Variants in ATP9B observed in about 807,000 individuals in gnomAD.
ATP9B encodes ATPase phospholipid transporting 9B.
In ATP9B, 110 loss-of-function variants were observed where a neutral mutation model predicts 146.1. That is an observed-to-expected ratio of 0.75 (90% confidence interval 0.65 to 0.88). ATP9B has a LOEUF of 0.88. ATP9B is among the 40% of genes least tolerant of loss of function. The pLI, the probability that ATP9B is intolerant of heterozygous loss-of-function variation, is 0.00. For missense variants in ATP9B, 1,499 were observed against 1,496.4 expected (o/e 1.00, Z -0.03); for synonymous variants, 604 against 569.7 (o/e 1.06, Z -0.86).
chr18:79,328,007 G>T (rs112362402), intron 15 of ATP9B, among the ~76,000 whole-genome samples: 1 of 146,366 alleles, frequency 6.8e-6, no homozygotes, highest in Admixed American at 6.8e-5. Context: ...TCCGTGGTTA[G>T]CGTGCTCTCC....
Position 79,336,651 on chromosome 18 carries a change from A to G in ATP9B, c.2052A>G (p.Gly684=). 6.2e-7 allele frequency: 1 copy of G among 1,611,124 alleles called. No individual in the cohort carries two copies. The highest frequency in any genetic ancestry group is 8.5e-7 in the Non-Finnish European group (1 of 1,178,798). ...EEECGNMARE[G]LRTLVVAKKA... ...AGTGCGGAAACATGGCTCGCGAAGGACTGCGGACCCTCGTGGTTGCAAAGA... is the reference window on the plus strand; with the variant it reads ...AGTGCGGAAACATGGCTCGCGAAGGGCTGCGGACCCTCGTGGTTGCAAAGA... Residue 684 remains glycine (G), a synonymous_variant, in exon 18 of 30, where the codon GGA becomes GGG. Transcript: ENST00000426216.
At chr18:79,332,386 G>A (rs1326296639) in intron 17 of ATP9B, among the ~76,000 whole-genome samples, 6 of 152,196 alleles carry the variant, frequency 3.9e-5, no homozygotes, top group Admixed American at 2.0e-4. Context: ...CCAAGATCGC[G>A]ACACTGCACT....
intron 13 of ATP9B, among the ~76,000 whole-genome samples, chr18:79,301,829 TTATTA>T (rs1400234985): frequency 6.6e-6 from 1 of 152,180 alleles, no homozygotes; most frequent in African/African-American, 2.4e-5. Context: ...TTTTAAAACT[TTATTA>T]TATTCACTCT....
rs536522865 is a variant in ATP9B at position 79,273,045 on chromosome 18, C to T, written c.1269-4009C>T. 8.5e-4 allele frequency among the ~76,000 whole-genome samples: 129 copies of T among 152,192 alleles called. 1 individual carries two copies. Among genetic ancestry groups the T allele is most frequent in the Non-Finnish European group, 1.5e-3 (99 of 68,036 alleles). ...AAGGGAAATGGATTACTCTTGGTGT[C>T]TGGCTGCAGTGGCAGGTGGCCGTGC... On this transcript the variant is annotated intron_variant, in intron 12 of 29. Transcript: ENST00000426216.
intron 12 of ATP9B, among the ~76,000 whole-genome samples, chr18:79,266,381 C>A (rs1357926700): frequency 1.3e-5 from 2 of 151,652 alleles, no homozygotes; most frequent in Non-Finnish European, 2.9e-5. Context: ...TAAATTTTTT[C>A]TATATATAAT....
rs189841442 is a variant in ATP9B, at chr18:79,105,158, C to T, written c.294-5197C>T. ...ATCATTATGGAAATTAAACCCTGCACGTTAGAGAACCAAACTATACATTTA... is the reference window on the plus strand; with the variant it reads ...ATCATTATGGAAATTAAACCCTGCATGTTAGAGAACCAAACTATACATTTA... On this transcript the variant is annotated intron_variant, in intron 2 of 29. Transcript: ENST00000426216. 1.2e-3 allele frequency among the ~76,000 whole-genome samples: 188 copies of T among 152,244 alleles called. 1 individual carries two copies. Among genetic ancestry groups the T allele is most frequent in the African/African-American group, 4.3e-3 (177 of 41,534 alleles).
rs753422254 is a variant in ATP9B at position 79,110,428 on chromosome 18, C to T, written c.367C>T (p.Pro123Ser). 2.5e-6 allele frequency: 4 copies of T among 1,612,226 alleles called. No individual in the cohort carries two copies. The South Asian group carries it at 3.3e-5, about 13-fold the overall frequency. Reference protein sequence around the residue: ...LKARTVWLGCPEKCEEKHPRN... With the variant: ...LKARTVWLGCSEKCEEKHPRN... ...AGCTCGCACAGTATGGCTTGGATGT[C>T]CTGAAAAGTGTGAAGAAAAACATCC... The change falls in exon 3 of 30, where the codon CCT becomes TCT. Residue 123 changes from proline to serine, a missense_variant. Pro to Ser is a moderately conservative substitution (Grantham distance 74, BLOSUM62 -1). Coordinates refer to ENST00000426216, the MANE Select transcript of ATP9B (RefSeq NM_198531.5).
chr18:79,256,132 G>A (rs534831214), intron 12 of ATP9B, among the ~76,000 whole-genome samples: 3 of 151,266 alleles, frequency 2.0e-5, no homozygotes, highest in South Asian at 4.2e-4. Context: ...TTAATATCAT[G>A]TATGTGCTTT....
intron 5 of ATP9B, among the ~76,000 whole-genome samples, chr18:79,134,256 C>A (rs1268368577): frequency 6.6e-6 from 1 of 152,170 alleles, no homozygotes; most frequent in African/African-American, 2.4e-5. Context: ...ACTGTTTGGC[C>A]ACTTCCTACT....
At chr18:79,279,835 T>G (rs2096357186) in intron 13 of ATP9B, among the ~76,000 whole-genome samples, 1 of 152,184 alleles carries the variant, frequency 6.6e-6, no homozygotes, top group African/African-American at 2.4e-5. Flanking sequence ...TTTGCAAGCC[T>G]AGGAGGAATC....
intron 11 of ATP9B, among the ~76,000 whole-genome samples, chr18:79,253,019 G>A (rs2096044802): frequency 6.6e-6 from 1 of 152,198 alleles, no homozygotes; most frequent in Admixed American, 6.5e-5. Flanking sequence ...CCCGGGCTGG[G>A]CCCTCAGAAC....
At chr18:79,136,230 A>T (rs1010479475) in intron 5 of ATP9B, among the ~76,000 whole-genome samples, 20 of 152,238 alleles carry the variant, frequency 1.3e-4, no homozygotes, top group African/African-American at 4.8e-4. Context: ...ATGGGATTTC[A>T]TTGAATCTGT....
At chr18:79,129,453 A>G (rs2094341347) in intron 5 of ATP9B, among the ~76,000 whole-genome samples, 1 of 152,166 alleles carries the variant, frequency 6.6e-6, no homozygotes, top group Non-Finnish European at 1.5e-5. Context: ...GCACAGAGCC[A>G]GGCTCCAAAG....
chr18:79,256,257 C>CTAGATATATATATATATA (rs2096076332), intron 12 of ATP9B, among the ~76,000 whole-genome samples: 1 of 100,398 alleles, frequency 1.0e-5, no homozygotes, highest in African/African-American at 4.6e-5. Flanking sequence ...TTCTAGCTAG[C>CTAGATATATATATATATA]TATATATATA....
intron 15 of ATP9B, among the ~76,000 whole-genome samples, chr18:79,310,899 C>T (rs1460546902): frequency 6.7e-6 from 1 of 148,386 alleles, no homozygotes; most frequent in East Asian, 2.1e-4. Context: ...GCCTGTCATC[C>T]CAGCACTTTG....
chr18:79,288,014 G>GCT (rs1320774057), intron 13 of ATP9B, among the ~76,000 whole-genome samples: 4 of 151,776 alleles, frequency 2.6e-5, no homozygotes, highest in Non-Finnish European at 5.9e-5. Context: ...TTTTACATTT[G>GCT]CTGAGGAGAG....
At position 79,276,460 on chromosome 18, in the gene ATP9B, C is replaced by A. The variant is rs2096310189; in HGVS notation, c.1269-594C>A. Among the ~76,000 whole-genome samples, 5 of 152,324 alleles carry A rather than the reference C, an allele frequency of 3.3e-5. No individual in the cohort carries two copies. In the South Asian group the frequency reaches 1.0e-3, roughly 32 times the overall value. On this transcript the variant is annotated intron_variant, in intron 12 of 29. Coordinates refer to ENST00000426216, the MANE Select transcript of ATP9B (RefSeq NM_198531.5). ...ATCATATCCCATTTGTTCTGTTTTC[C>A]AGTTTAGCTCCTGAAACACGGGAAA...
intron 2 of ATP9B, among the ~76,000 whole-genome samples, chr18:79,106,051 T>TTGA (rs1173395506): frequency 2.6e-5 from 4 of 152,204 alleles, no homozygotes; most frequent in African/African-American, 9.7e-5. Flanking sequence ...ATGTTATGAT[T>TTGA]TGATTATAGA....
intron 7 of ATP9B, among the ~76,000 whole-genome samples, chr18:79,163,890 A>G (rs1568309615): frequency 3.3e-5 from 5 of 151,608 alleles, no homozygotes; most frequent in Non-Finnish European, 7.4e-5. Context: ...ACACACACAC[A>G]CACACACACA....
Sources: allele counts gnomAD v4.1 joint callset (sites outside exome capture counted in the v4.1 genomes callset), GRCh38; gene constraint gnomAD v4.1.1; transcripts MANE v1.5; gene names NCBI Gene and HGNC (gene_info 2026-07-23, HGNC 2026-07-21).